Variants in PPP2R2B observed in about 807,000 individuals in gnomAD.
PPP2R2B encodes serine/threonine-protein phosphatase 2A 55 kDa regulatory subunit B beta isoform.
Under a neutral mutation model 46.0 loss-of-function variants are expected in PPP2R2B, and 5 were observed. The observed-to-expected ratio is 0.11, with a 90% confidence interval of 0.06 to 0.23. The LOEUF (loss-of-function observed/expected upper bound fraction) is 0.23. Ranked by LOEUF, PPP2R2B falls within the 10% of genes least tolerant of loss-of-function variation. The probability of loss-of-function intolerance (pLI) is 1.00; values close to 1 mark genes in which losing one functional copy is unlikely to be tolerated. For missense variants in PPP2R2B, 367 were observed against 575.0 expected, an observed-to-expected ratio of 0.64 and a Z score of 3.70; for synonymous variants, 215 against 206.7, an observed-to-expected ratio of 1.04 and a Z score of -0.34.
upstream of PPP2R2B, among the ~76,000 whole-genome samples, chr5:147,057,311 C>T (rs544364116): frequency 1.9e-4 from 29 of 152,310 alleles, no homozygotes; most frequent in Middle Eastern, 3.4e-3. Context: ...TAGGGCCATC[C>T]TAAGTAAGGT....
chr5:146,601,233 C>T (rs1771753414), intron 7 of PPP2R2B, among the ~76,000 whole-genome samples: 1 of 152,100 alleles, frequency 6.6e-6, no homozygotes, highest in Non-Finnish European at 1.5e-5. Context: ...AATAACACTG[C>T]TATGATTATA....
rs566827912 is a variant in PPP2R2B at position 146,687,761 on chromosome 5, A to G, written c.447+3367T>C. Among the ~76,000 whole-genome samples the G allele has an allele frequency of 8.5e-5, 13 of 152,334 alleles. No homozygotes were observed. In the South Asian group the frequency reaches 1.0e-3, roughly 12 times the overall value. On this transcript the variant is annotated intron_variant, in intron 5 of 9. Transcript: ENST00000394411. ...GCTATCTTCTATGAAAGATATAGTC[A>G]CATTCTTGCTTTGAAAAGCTGAGTC...
At chr5:146,887,512 T>A (rs1486198426) in intron 1 of PPP2R2B, among the ~76,000 whole-genome samples, 3 of 152,200 alleles carry the variant, frequency 2.0e-5, no homozygotes, top group Non-Finnish European at 4.4e-5. Flanking sequence ...ATATATATTA[T>A]GCAGAATAGT....
intron 7 of PPP2R2B, among the ~76,000 whole-genome samples, chr5:146,608,063 A>G (rs1772461311): frequency 6.6e-6 from 1 of 152,206 alleles, no homozygotes; most frequent in African/African-American, 2.4e-5. Flanking sequence ...CTAGAGTTGT[A>G]AAAAAGAAAA....
At chr5:146,852,672 C>G (rs34954272) in intron 2 of PPP2R2B, among the ~76,000 whole-genome samples, 7,278 of 152,192 alleles carry the variant, frequency 0.048, 268 homozygotes, top group Non-Finnish European at 0.072. Context: ...CAAACATTCT[C>G]AACAATTCCC....
chr5:146,954,756 A>ATATG (rs1554079878), intron 1 of PPP2R2B, among the ~76,000 whole-genome samples: 3 of 146,646 alleles, frequency 2.0e-5, no homozygotes, highest in Non-Finnish European at 4.5e-5. Flanking sequence ...ATGTGTATAT[A>ATATG]TGTGTGTGTG....
chr5:146,860,523 ACT>A lies in PPP2R2B; in HGVS notation c.70+17477_70+17478del, dbSNP rs1479545308. ...TGTTTCTCTGACAAAATGTACCCAT[ACT>A]CTGTCTTTAACAGCCTCATTGCCAT... On this transcript the variant is annotated intron_variant, in intron 2 of 9. Transcript: ENST00000394411. Among the ~76,000 whole-genome samples the A allele has an allele frequency of 2.6e-5, 4 of 152,076 alleles. No individual in the cohort carries two copies. The East Asian group carries it at 5.8e-4, about 22-fold the overall frequency.
chr5:147,063,902 C>T (rs74388475), intron 2 of PPP2R2B, among the ~76,000 whole-genome samples: 8,784 of 152,252 alleles, frequency 0.058, 379 homozygotes, highest in Non-Finnish European at 0.084. Context: ...GTGGTTTTAA[C>T]GTCTTTTCAA....
intron 1 of PPP2R2B, among the ~76,000 whole-genome samples, chr5:146,906,773 C>T (rs111496908): frequency 1.2e-4 from 19 of 152,302 alleles, no homozygotes; most frequent in African/African-American, 3.8e-4. Context: ...TCACCTTATA[C>T]GTCTATTGGG....
chr5:147,054,803 C>A (rs1756997192), intron 1 of PPP2R2B: 2 of 401,822 alleles, frequency 5.0e-6, no homozygotes, highest in Non-Finnish European at 9.9e-6. Flanking sequence ...TAGGACAATC[C>A]TTAAGCCTGA....
chr5:146,605,183 C>T (rs1359961611), intron 7 of PPP2R2B, among the ~76,000 whole-genome samples: 1 of 152,192 alleles, frequency 6.6e-6, no homozygotes, highest in Non-Finnish European at 1.5e-5. Flanking sequence ...CAACTCACAG[C>T]TAGTAGGAAC....
intron 2 of PPP2R2B, among the ~76,000 whole-genome samples, chr5:147,065,689 G>A (rs1026470530): frequency 2.0e-5 from 3 of 151,998 alleles, no homozygotes; most frequent in African/African-American, 4.8e-5. Context: ...GAGAAAAGAG[G>A]GAAAATGACA....
At chr5:146,667,325 T>TGC (rs748404166) in intron 5 of PPP2R2B, among the ~76,000 whole-genome samples, 2,487 of 42,916 alleles carry the variant, frequency 0.058, 57 homozygotes, top group African/African-American at 0.16. Flanking sequence ...GGAATAGGCG[T>TGC]GCGCGCGCAC....
chr5:146,608,864 AC>A (rs1772561964), intron 7 of PPP2R2B, among the ~76,000 whole-genome samples: 2 of 152,294 alleles, frequency 1.3e-5, no homozygotes, highest in South Asian at 4.1e-4. Flanking sequence ...TTAAAGAAGA[AC>A]TAATGTCAAT....
chr5:146,977,049 C>CAA (rs34896382), intron 1 of PPP2R2B, among the ~76,000 whole-genome samples: 10 of 151,838 alleles, frequency 6.6e-5, no homozygotes, highest in East Asian at 1.9e-4. Context: ...CCAAACAAAA[C>CAA]AAAAAAACAA....
chr5:146,677,861 T>C (rs1010797370), intron 5 of PPP2R2B, among the ~76,000 whole-genome samples: 2 of 152,104 alleles, frequency 1.3e-5, no homozygotes, highest in Non-Finnish European at 2.9e-5. Context: ...AGATTCCTAG[T>C]CACTGGATTA....
intron 2 of PPP2R2B, among the ~76,000 whole-genome samples, chr5:146,704,774 A>G (rs772767661): frequency 4.6e-5 from 7 of 152,152 alleles, no homozygotes; most frequent in Non-Finnish European, 7.4e-5. Context: ...AAAGTTCTAG[A>G]CTGGTAATTT....
Position 147,077,451 on chromosome 5 carries a change from A to G in PPP2R2B, c.50+3608T>C, listed in dbSNP as rs928057663. ...AGTAAGTGATAGAACTGAAATAGAA[A>G]AAGCCATTAATAGGAATAAGTAACA... On this transcript the variant is annotated intron_variant, in intron 2 of 10. Transcript: ENST00000394413. 8.5e-5 allele frequency among the ~76,000 whole-genome samples: 13 copies of G among 152,152 alleles called. No individual in the cohort carries two copies. The Middle Eastern group carries it at 0.01, about 119-fold the overall frequency.
chr5:146,767,282 A>C (rs1754544930), intron 2 of PPP2R2B, among the ~76,000 whole-genome samples: 1 of 152,044 alleles, frequency 6.6e-6, no homozygotes, highest in Non-Finnish European at 1.5e-5. Flanking sequence ...GAATTCACAG[A>C]CACATCAGTC....
Sources: allele counts gnomAD v4.1 joint callset (sites outside exome capture counted in the v4.1 genomes callset), GRCh38; gene constraint gnomAD v4.1.1; transcripts MANE v1.5; gene names NCBI Gene and HGNC (gene_info 2026-07-23, HGNC 2026-07-21).